Variants in AQR observed in about 807,000 individuals in gnomAD.
The protein encoded by AQR is RNA helicase aquarius.
AQR carries 61 observed loss-of-function variants against 180.5 expected under a neutral mutation model. The ratio of observed to expected loss-of-function variants is 0.34; its 90% CI spans 0.28 to 0.42. The LOEUF (loss-of-function observed/expected upper bound fraction) is 0.42, where lower values mean the gene tolerates loss of function less well. AQR is among the 10% of genes least tolerant of loss of function. The pLI is 1.00. For synonymous variants in AQR, 551 were observed against 588.8 expected (o/e 0.94, Z 0.93); for missense variants, 1,281 against 1,798.3 (o/e 0.71, Z 5.20).
intron 27 of AQR, 122 bp downstream of exon 27, chr15:34,882,380 A>G: frequency 9.2e-7 from 1 of 1,091,894 alleles, no homozygotes; most frequent in South Asian, 2.7e-5. Flanking sequence ...TAAACAAGGG[A>G]TATTATCATC....
chr15:34,938,932 G>A, intron 8 of AQR, 119 bp from the exon 9 acceptor site: 1 of 697,840 alleles, frequency 1.4e-6, no homozygotes, highest in Non-Finnish European at 2.4e-6. Context: ...TTGTGAAGCT[G>A]GGACTATAAC....
chr15:34,959,188 G>A (rs145326606), intron 3 of AQR, among the ~76,000 whole-genome samples: 3 of 151,928 alleles, frequency 2.0e-5, no homozygotes, highest in Non-Finnish European at 4.4e-5. Flanking sequence ...TTTGAGACAG[G>A]GTCTCACTCT....
rs561530924 is a variant in AQR, at chr15:34,904,635, T to C, written c.1832-130A>G. 3.7e-4 allele frequency: 291 copies of C among 790,510 alleles called. No homozygotes were observed. The African/African-American group carries it at 4.9e-3, about 13-fold the overall frequency. 49.0% of individuals were successfully genotyped at this position (790,510 alleles called of 1,614,324 possible). On this transcript the variant is annotated intron_variant, in intron 18 of 34. Coordinates refer to ENST00000156471, the MANE Select transcript of AQR (RefSeq NM_014691.3). ...TTAACTCCAACCATTCTTCCCAAAG[T>C]AGAATGCCCTCCACTCACCCACTTC...
At chr15:34,949,097 A>G (rs1894175948) in intron 4 of AQR, among the ~76,000 whole-genome samples, 1 of 151,710 alleles carries the variant, frequency 6.6e-6, no homozygotes, top group African/African-American at 2.4e-5. Context: ...GATTCAAGCA[A>G]TTCTCCTGCC....
chr15:34,895,468 C>A (rs1893230198), intron 22 of AQR, among the ~76,000 whole-genome samples: 1 of 151,260 alleles, frequency 6.6e-6, no homozygotes, highest in Non-Finnish European at 1.5e-5. Context: ...AAGAAACTCA[C>A]CTCAAATATA....
intron 1 of AQR, among the ~76,000 whole-genome samples, chr15:34,964,818 A>C (rs2050301404): frequency 1.3e-5 from 2 of 152,296 alleles, no homozygotes; most frequent in Middle Eastern, 3.4e-3. Flanking sequence ...AAGAGCTGGC[A>C]TATTTCAGCA....
At chr15:34,898,704 G>A (rs879672381) in intron 20 of AQR, among the ~76,000 whole-genome samples, 4 of 151,832 alleles carry the variant, frequency 2.6e-5, no homozygotes, top group Non-Finnish European at 4.4e-5. Context: ...CTAACACGGC[G>A]AAACCCCATC....
At chr15:34,915,485 C>G (rs1049225330) in intron 15 of AQR, among the ~76,000 whole-genome samples, 24 of 151,756 alleles carry the variant, frequency 1.6e-4, no homozygotes, top group Non-Finnish European at 3.5e-4. Context: ...CCACCGCACC[C>G]GGCCTGAATT....
chr15:34,948,189 C>G (rs1894157901), intron 5 of AQR, 75 bp downstream of exon 5: 14 of 1,521,130 alleles, frequency 9.2e-6, no homozygotes, highest in Non-Finnish European at 1.2e-5. Flanking sequence ...GCACCACTAT[C>G]AGTAAAAGTT....
intron 3 of AQR, among the ~76,000 whole-genome samples, chr15:34,953,732 A>T (rs2140504419): frequency 6.6e-6 from 1 of 152,310 alleles, no homozygotes; most frequent in East Asian, 1.9e-4. Context: ...ACTTGAATTA[A>T]CTGTATGTTA....
intron 34 of AQR, 49 bp from the exon 35 acceptor site, chr15:34,857,155 T>G (rs771780275): frequency 6.7e-7 from 1 of 1,484,180 alleles, no homozygotes; most frequent in Non-Finnish European, 9.0e-7. Flanking sequence ...AAAAACAGCT[T>G]ATAAAGCTAA....
chr15:34,969,603 G>A lies in AQR; in HGVS notation c.11C>T (p.Pro4Leu). Residue 4 changes from proline to leucine, a missense_variant, in exon 1 of 35, where the codon CCT becomes CTT. Coordinates refer to ENST00000156471, the MANE Select transcript of AQR (RefSeq NM_014691.3). MAA[P>L]AQPKKIVAPT... is the part of the protein sequence containing the mutation. ...GGCCACGATCTTCTTGGGCTGCGCAGGGGCTGCCATGGCAGCACTCTTCCC... is the reference window on the plus strand; with the variant it reads ...GGCCACGATCTTCTTGGGCTGCGCAAGGGCTGCCATGGCAGCACTCTTCCC... 1 of 1,613,402 alleles carries A rather than the reference G, an allele frequency of 6.2e-7. No individual in the cohort carries two copies. The highest frequency in any genetic ancestry group is 2.2e-5 in the East Asian group (1 of 44,866).
intron 28 of AQR, among the ~76,000 whole-genome samples, chr15:34,875,575 G>A (rs1892878024): frequency 6.6e-6 from 1 of 151,134 alleles, no homozygotes; most frequent in Non-Finnish European, 1.5e-5. Context: ...AATGCACTCA[G>A]TGAAAATGAA....
Position 34,969,621 on chromosome 15 carries a change from C to A in AQR, c.-8G>T. 1 of 1,612,518 alleles carries A rather than the reference C, an allele frequency of 6.2e-7. No homozygotes were observed. The highest frequency in any genetic ancestry group is 8.5e-7 in the Non-Finnish European group (1 of 1,179,906). On this transcript the variant is annotated 5_prime_UTR_variant, in exon 1 of 35. Transcript: ENST00000156471. Reference sequence around the variant, plus strand: ...CTGCGCAGGGGCTGCCATGGCAGCACTCTTCCCTCCACTCCAGTGGAAACT... The same window carrying A: ...CTGCGCAGGGGCTGCCATGGCAGCAATCTTCCCTCCACTCCAGTGGAAACT...
At chr15:34,925,045 T>C (rs2140488597) in intron 13 of AQR, among the ~76,000 whole-genome samples, 1 of 152,046 alleles carries the variant, frequency 6.6e-6, no homozygotes, top group East Asian at 1.9e-4. Flanking sequence ...ACAGTTGTCA[T>C]TAAAAAATTT....
intron 19 of AQR, among the ~76,000 whole-genome samples, chr15:34,903,951 G>A (rs1313093685): frequency 1.3e-5 from 2 of 151,912 alleles, no homozygotes; most frequent in African/African-American, 4.8e-5. Flanking sequence ...AAAGTGACCT[G>A]GAAGTATACC....
At chr15:34,874,653 G>T (rs370712067) in intron 29 of AQR, 24 bp downstream of exon 29, 2 of 1,610,800 alleles carry the variant, frequency 1.2e-6, no homozygotes, top group South Asian at 1.1e-5. Context: ...AAATGGGAAT[G>T]ATTTTTTTTC....
Position 34,856,890 on chromosome 15 carries a change from A to C in AQR, c.4360T>G (p.Leu1454Val). The C allele has an allele frequency of 6.2e-7, 1 of 1,613,926 alleles. No individual in the cohort carries two copies. The highest frequency in any genetic ancestry group is 8.5e-7 in the Non-Finnish European group (1 of 1,179,940). Residue 1454 changes from leucine to valine, a missense_variant, in exon 35 of 35, where the codon TTA becomes GTA. This residue lies in a region of AQR where 182 missense variants were observed against 185.3 expected (regional missense o/e 0.98). Coordinates refer to ENST00000156471, the MANE Select transcript of AQR (RefSeq NM_014691.3). ...ATSTPEAIPA[L>V]SETTPTVVGA... ...ACCACAGTAGGGGTGGTCTCAGATA[A>C]AGCAGGGATGGCTTCTGGAGTGGAA...
chr15:34,931,693 G>A (rs756489497), intron 11 of AQR, among the ~76,000 whole-genome samples: 33 of 152,020 alleles, frequency 2.2e-4, no homozygotes, highest in Non-Finnish European at 4.0e-4. Context: ...CTGTAATTCC[G>A]GCTACTGGGG....
Sources: allele counts gnomAD v4.1 joint callset (sites outside exome capture counted in the v4.1 genomes callset), GRCh38; gene constraint gnomAD v4.1.1; regional missense constraint gnomAD v4.1.1; transcripts MANE v1.5; gene names NCBI Gene and HGNC (gene_info 2026-07-23, HGNC 2026-07-21).